GRIK4: variants seen among roughly 807,000 people sequenced by gnomAD.
GRIK4 encodes glutamate ionotropic receptor kainate type subunit 4.
A neutral mutation model predicts 104.9 loss-of-function variants in GRIK4; 40 were observed. The observed-to-expected ratio is 0.38, with a 90% confidence interval of 0.30 to 0.50. The LOEUF (loss-of-function observed/expected upper bound fraction) is 0.50, where lower values mean the gene tolerates loss of function less well. Ranked by LOEUF, GRIK4 falls within the 20% of genes least tolerant of loss-of-function variation. GRIK4 has a pLI of 0.93. For missense variants in GRIK4, 1,047 were observed against 1,308.1 expected, an observed-to-expected ratio of 0.80 and a Z score of 3.08; for synonymous variants, 485 against 524.9, an observed-to-expected ratio of 0.92 and a Z score of 1.04.
At chr11:120,649,724 A>G (rs1250892824) in intron 1 of GRIK4, among the ~76,000 whole-genome samples, 4 of 152,212 alleles carry the variant, frequency 2.6e-5, no homozygotes, top group Non-Finnish European at 5.9e-5. Context: ...ACAGACAGTC[A>G]TCTGCAGGAC....
chr11:120,684,280 A>G (rs1565293547), intron 3 of GRIK4, among the ~76,000 whole-genome samples: 1 of 152,216 alleles, frequency 6.6e-6, no homozygotes, highest in Admixed American at 6.5e-5. Context: ...CTGAGATCTC[A>G]CTACTGCACT....
At chr11:120,533,391 C>T (rs1427206922) in intron 1 of GRIK4, among the ~76,000 whole-genome samples, 1 of 152,220 alleles carries the variant, frequency 6.6e-6, no homozygotes, top group African/African-American at 2.4e-5. Flanking sequence ...ACCCTGCATA[C>T]AGGTACTGCT....
intron 3 of GRIK4, among the ~76,000 whole-genome samples, chr11:120,795,224 G>A (rs1952487032): frequency 6.6e-6 from 1 of 152,238 alleles, no homozygotes; most frequent in African/African-American, 2.4e-5. Context: ...TCAGCAGCGA[G>A]GCTCTGGAAG....
chr11:120,519,879 TGTTTTTTTTTTTG>T (rs1320544771), intron 1 of GRIK4, among the ~76,000 whole-genome samples: 2 of 99,266 alleles, frequency 2.0e-5, no homozygotes, highest in African/African-American at 9.5e-5. Context: ...TTTTTTTTTT[TGTTTTTTTTTTTG>T]TTGTTGTTGT....
intron 3 of GRIK4, among the ~76,000 whole-genome samples, chr11:120,772,664 G>A (rs1163393371): frequency 6.6e-6 from 1 of 151,820 alleles, no homozygotes; most frequent in Non-Finnish European, 1.5e-5. Context: ...TGTGTTACAT[G>A]GGAGAAATGA....
chr11:120,605,583 A>G (rs1017907933), intron 1 of GRIK4, among the ~76,000 whole-genome samples: 1 of 152,328 alleles, frequency 6.6e-6, no homozygotes, highest in African/African-American at 2.4e-5. Context: ...TTCCTCTTTC[A>G]GTCCAAATTC....
At chr11:120,646,978 T>A (rs1270250759) in intron 1 of GRIK4, among the ~76,000 whole-genome samples, 1 of 152,218 alleles carries the variant, frequency 6.6e-6, no homozygotes, top group Admixed American at 6.5e-5. Flanking sequence ...TGACCACAGT[T>A]ACCCAGGGAA....
chr11:120,966,476 ATTC>A (rs1944385720), intron 18 of GRIK4, among the ~76,000 whole-genome samples: 1 of 152,142 alleles, frequency 6.6e-6, no homozygotes, highest in Non-Finnish European at 1.5e-5. Context: ...GGTTCAAGCA[ATTC>A]TTCTGTCTCA....
At chr11:120,641,839 G>A (rs1949475500) in intron 1 of GRIK4, among the ~76,000 whole-genome samples, 1 of 152,160 alleles carries the variant, frequency 6.6e-6, no homozygotes, top group African/African-American at 2.4e-5. Flanking sequence ...AGCCCAGTAG[G>A]TCTCAGCCTC....
At chr11:120,574,101 C>T (rs1024185497) in intron 1 of GRIK4, among the ~76,000 whole-genome samples, 1 of 152,188 alleles carries the variant, frequency 6.6e-6, no homozygotes, top group Admixed American at 6.5e-5. Context: ...GTGTGTCTCT[C>T]TCCAGCCTTA....
intron 1 of GRIK4, among the ~76,000 whole-genome samples, chr11:120,514,747 C>T (rs555168352): frequency 1.3e-5 from 2 of 152,300 alleles, no homozygotes; most frequent in East Asian, 3.9e-4. Flanking sequence ...TGGGTTCCCC[C>T]AGGCATGCAG....
At chr11:120,715,879 T>C (rs889727144) in intron 3 of GRIK4, among the ~76,000 whole-genome samples, 7 of 151,974 alleles carry the variant, frequency 4.6e-5, no homozygotes, top group African/African-American at 1.7e-4. Context: ...TTAATTTAAA[T>C]GAATTAAACA....
chr11:120,581,383 A>AT (rs1250444633), intron 1 of GRIK4, among the ~76,000 whole-genome samples: 1 of 152,190 alleles, frequency 6.6e-6, no homozygotes, highest in African/African-American at 2.4e-5. Context: ...GATGGTCCAG[A>AT]TTTTGTAGTT....
intron 3 of GRIK4, among the ~76,000 whole-genome samples, chr11:120,740,914 C>G (rs1181117380): frequency 1.3e-5 from 2 of 152,136 alleles, no homozygotes; most frequent in African/African-American, 4.8e-5. Context: ...TTATTTGACG[C>G]AAGATCTGAG....
At chr11:120,674,427 C>T (rs965034763) in intron 3 of GRIK4, among the ~76,000 whole-genome samples, 9 of 152,200 alleles carry the variant, frequency 5.9e-5, no homozygotes, top group Admixed American at 1.3e-4. Context: ...TGCCCTGGCT[C>T]TTCATAGGTT....
chr11:120,766,301 C>T (rs1209658339), intron 3 of GRIK4, among the ~76,000 whole-genome samples: 1 of 152,222 alleles, frequency 6.6e-6, no homozygotes, highest in Non-Finnish European at 1.5e-5. Context: ...ACGCCCCTCC[C>T]CCCACCAAGC....
chr11:120,517,984 G>C (rs1439984586), intron 1 of GRIK4, among the ~76,000 whole-genome samples: 1 of 152,206 alleles, frequency 6.6e-6, no homozygotes, highest in African/African-American at 2.4e-5. Flanking sequence ...GTTTAAGAAG[G>C]CGTGGAAGAT....
chr11:120,533,914 C>T lies in GRIK4; in HGVS notation c.-159+22027C>T, dbSNP rs1378039035. Among the ~76,000 whole-genome samples the T allele has an allele frequency of 3.3e-5, 5 of 152,134 alleles. No homozygotes were observed. In the East Asian group the frequency reaches 5.8e-4, roughly 18 times the overall value. ...AAAACAAAAACATTTTAACTTTATT[C>T]GGAAAGCAACTGAAAGCCACTGAAA... On this transcript the variant is annotated intron_variant, in intron 1 of 20. Transcript: ENST00000527524.
At chr11:120,891,594 C>A (rs1366380771) in intron 11 of GRIK4, among the ~76,000 whole-genome samples, 2 of 152,154 alleles carry the variant, frequency 1.3e-5, no homozygotes, top group Non-Finnish European at 2.9e-5. Flanking sequence ...ATTCACTTAA[C>A]TCGATTTTAT....
Sources: allele counts gnomAD v4.1 joint callset (sites outside exome capture counted in the v4.1 genomes callset), GRCh38; gene constraint gnomAD v4.1.1; transcripts MANE v1.5; gene names NCBI Gene and HGNC (gene_info 2026-07-23, HGNC 2026-07-21).